The following TMEM150C variants were observed in gnomAD, a reference collection of about 807,000 sequenced individuals.
TMEM150C encodes the protein transmembrane protein 150C.
In TMEM150C, 10 loss-of-function variants were observed where a neutral mutation model predicts 29.9. That is an observed-to-expected ratio of 0.33 (90% CI 0.21 to 0.57). The LOEUF is 0.57. Ranked by LOEUF, TMEM150C falls within the 20% of genes least tolerant of loss-of-function variation. TMEM150C has a pLI of 0.88. For synonymous variants in TMEM150C, 101 were observed against 112.5 expected (o/e 0.90, Z 0.64); for missense variants, 251 against 303.6 (o/e 0.83, Z 1.29).
In TMEM150C at chr4:82,502,912, C is replaced by T; in HGVS notation, c.150G>A (p.Lys50=). Residue 50 remains lysine (K), a synonymous_variant, in exon 4 of 8, where the codon AAG becomes AAA. Coordinates refer to ENST00000449862, the MANE Select transcript of TMEM150C (RefSeq NM_001080506.3). ...TGGGTTACCTTATATATGGTGCATGCTTCACACCAGGTTTCCTGGATAATA... is the reference window on the plus strand; with the variant it reads ...TGGGTTACCTTATATATGGTGCATGTTTCACACCAGGTTTCCTGGATAATA... ...LNSAERKPGV[K]HAPYISIAGD... is the part of the protein sequence containing the mutation. The T allele has an allele frequency of 6.3e-7, 1 of 1,596,434 alleles. No individual in the cohort carries two copies. The highest frequency in any genetic ancestry group is 8.5e-7 in the Non-Finnish European group (1 of 1,170,964).
At chr4:82,502,839 T>C (rs558357639) in intron 4 of TMEM150C, 45 bp from the exon 5 acceptor site, 8 of 1,588,378 alleles carry the variant, frequency 5.0e-6, no homozygotes, top group African/African-American at 1.3e-5. Context: ...TCAAAATCTA[T>C]AATCCTCCTA....
intron 1 of TMEM150C, among the ~76,000 whole-genome samples, chr4:82,546,795 C>G (rs1578154674): frequency 6.6e-6 from 1 of 152,122 alleles, no homozygotes; most frequent in East Asian, 1.9e-4. Context: ...CCACTGCACT[C>G]TAGCCTGGGC....
intron 1 of TMEM150C, among the ~76,000 whole-genome samples, chr4:82,534,485 T>C (rs1414950735): frequency 1.3e-5 from 2 of 152,316 alleles, no homozygotes; most frequent in Admixed American, 6.5e-5. Flanking sequence ...AGATGTAACA[T>C]ATAAAGGGAA....
chr4:82,496,274 AT>A, intron 5 of TMEM150C, 79 bp from the exon 6 acceptor site: 2 of 1,369,544 alleles, frequency 1.5e-6, no homozygotes, highest in Non-Finnish European at 2.0e-6. Flanking sequence ...TATTATTATT[AT>A]TTTTTTATGC....
intron 1 of TMEM150C, among the ~76,000 whole-genome samples, chr4:82,549,305 G>T (rs6535356): frequency 6.6e-6 from 1 of 152,008 alleles, no homozygotes; most frequent in Admixed American, 6.6e-5. Context: ...ATGATGACAC[G>T]TACTACAACA....
chr4:82,519,590 C>T (rs1189625597), intron 1 of TMEM150C, among the ~76,000 whole-genome samples: 1 of 152,078 alleles, frequency 6.6e-6, no homozygotes, highest in Non-Finnish European at 1.5e-5. Context: ...CCACGCCCAG[C>T]TAATTTTTGT....
At chr4:82,490,302 G>GGAAT in intron 6 of TMEM150C, 64 bp from the exon 7 acceptor site, 1 of 1,417,956 alleles carries the variant, frequency 7.1e-7, no homozygotes, top group Non-Finnish European at 9.9e-7. Flanking sequence ...GCAAGTTGAA[G>GGAAT]GAATGAATAT....
intron 1 of TMEM150C, among the ~76,000 whole-genome samples, chr4:82,552,733 A>T (rs992682968): frequency 5.3e-5 from 8 of 152,160 alleles, no homozygotes; most frequent in African/African-American, 2.4e-5. Context: ...AGTTCGTCAG[A>T]TGATTTTTTG....
intron 1 of TMEM150C, among the ~76,000 whole-genome samples, chr4:82,513,906 C>T (rs1209518265): frequency 6.6e-6 from 1 of 152,218 alleles, no homozygotes; most frequent in Non-Finnish European, 1.5e-5. Context: ...AGAAGGCTGG[C>T]ATGTGAACTG....
rs551230924 is a variant in TMEM150C at position 82,484,907 on chromosome 4, A to T, written c.*604T>A. 1 of 152,706 alleles carries T rather than the reference A, an allele frequency of 6.5e-6. No homozygotes were observed. The highest frequency in any genetic ancestry group is 6.5e-5 in the Admixed American group (1 of 15,314). 9.5% of individuals were successfully genotyped at this position (152,706 alleles called of 1,614,324 possible). Reference sequence around the variant, plus strand: ...TCACAGCGGCGGGCTTTGCTCTCACAGTCTGTGGCATATGTCTCTCCTGGG... The same window carrying T: ...TCACAGCGGCGGGCTTTGCTCTCACTGTCTGTGGCATATGTCTCTCCTGGG... On this transcript the variant is annotated 3_prime_UTR_variant, in exon 8 of 8. Coordinates refer to ENST00000449862, the MANE Select transcript of TMEM150C (RefSeq NM_001080506.3).
rs998932572 is a variant in TMEM150C at position 82,483,462 on chromosome 4, A to G, written c.*2049T>C. On this transcript the variant is annotated 3_prime_UTR_variant, in exon 8 of 8. Transcript: ENST00000449862. Reference sequence around the variant, plus strand: ...TACAGTAAGACGCCTTTTTGACAGGAGAATCTTGTTCTCAGCTTGTTCTTT... The same window carrying G: ...TACAGTAAGACGCCTTTTTGACAGGGGAATCTTGTTCTCAGCTTGTTCTTT... 6.6e-6 allele frequency: 1 copy of G among 152,206 alleles called. No homozygotes were observed. The highest frequency in any genetic ancestry group is 1.5e-5 in the Non-Finnish European group (1 of 68,034). The allele number at this position is 152,206 out of a possible 1,614,324, so 9.4% of individuals were successfully genotyped here. A position where few individuals can be genotyped will look rare whatever the true frequency, so the allele number is the denominator to read the frequency against.
At chr4:82,507,725 CTCTTTTTTTTTTT>C (rs1723979504) in intron 1 of TMEM150C, among the ~76,000 whole-genome samples, 4 of 27,862 alleles carry the variant, frequency 1.4e-4, no homozygotes, top group African/African-American at 2.5e-4. Context: ...CTCTCTCTCT[CTCTTTTTTTTTTT>C]TTTTTTTTTT....
In TMEM150C at chr4:82,528,840, C is replaced by T. The variant is rs553251724; in HGVS notation, c.-10-24173G>A. On this transcript the variant is annotated intron_variant, in intron 1 of 7. Coordinates refer to ENST00000449862, the MANE Select transcript of TMEM150C (RefSeq NM_001080506.3). ...TGAACTCCTGACCTCGTGATCTGCC[C>T]GCCTCGGCCTCCCAAAGTATCCTTG... 3.9e-5 allele frequency among the ~76,000 whole-genome samples: 6 copies of T among 152,174 alleles called. No homozygotes were observed. In the South Asian group the frequency reaches 6.2e-4, roughly 16 times the overall value.
intron 6 of TMEM150C, chr4:82,490,829 C>T: frequency 3.3e-6 from 2 of 608,526 alleles, no homozygotes; most frequent in Non-Finnish European, 6.1e-6. Flanking sequence ...ATATTTAACC[C>T]AGCTTGGTGG....
chr4:82,556,571 T>TG (rs1036843690), intron 1 of TMEM150C, among the ~76,000 whole-genome samples: 3 of 152,114 alleles, frequency 2.0e-5, no homozygotes, highest in Admixed American at 2.0e-4. Context: ...TCCAGCTACT[T>TG]GGGGGGCTGA....
intron 1 of TMEM150C, 56 bp downstream of exon 1, chr4:82,561,850 C>T (rs1725947690): frequency 3.1e-6 from 3 of 978,204 alleles, no homozygotes; most frequent in Non-Finnish European, 3.6e-6. Flanking sequence ...GGGGCCGGGC[C>T]GGACGCCCCC....
intron 1 of TMEM150C, among the ~76,000 whole-genome samples, chr4:82,541,862 T>C (rs1224898311): frequency 6.6e-6 from 1 of 152,198 alleles, no homozygotes; most frequent in Non-Finnish European, 1.5e-5. Flanking sequence ...TCAAGAAATA[T>C]ATACTTATGG....
chr4:82,507,959 G>A (rs1170015243), intron 1 of TMEM150C, among the ~76,000 whole-genome samples: 1 of 151,652 alleles, frequency 6.6e-6, no homozygotes, highest in Admixed American at 6.6e-5. Flanking sequence ...CGTTGCCCAA[G>A]CTAGTCTAGA....
At chr4:82,487,552 G>A (rs964997624) in intron 7 of TMEM150C, among the ~76,000 whole-genome samples, 1 of 152,186 alleles carries the variant, frequency 6.6e-6, no homozygotes, top group Non-Finnish European at 1.5e-5. Context: ...TAAATTAATG[G>A]AGAAAGCATA....
Sources: gnomAD v4.1 joint callset for allele counts (sites outside exome capture counted in the v4.1 genomes callset) on GRCh38, gnomAD v4.1.1 for gene constraint, MANE v1.5 for transcripts, NCBI Gene and HGNC (gene_info 2026-07-23, HGNC 2026-07-21) for gene names.